The following NLRP11 variants were observed in gnomAD, a reference collection of about 807,000 sequenced individuals.
The protein encoded by NLRP11 is NLR family pyrin domain containing 11, also known as NACHT, LRR and PYD domains-containing protein 11.
NLRP11 carries 53 observed loss-of-function variants against 79.3 expected under a neutral mutation model. The ratio of observed to expected loss-of-function variants is 0.67; its 90% CI spans 0.54 to 0.84. NLRP11 has a LOEUF of 0.84. NLRP11 is among the 40% of genes least tolerant of loss of function. The probability of loss-of-function intolerance (pLI) is 0.00; values close to 1 mark genes in which losing one functional copy is unlikely to be tolerated. For missense variants in NLRP11, 1,264 were observed against 1,255.0 expected (o/e 1.01, Z -0.11); for synonymous variants, 518 against 462.6 (o/e 1.12, Z -1.54).
At chr19:55,816,774 T>C (rs1163398592) in intron 2 of NLRP11, among the ~76,000 whole-genome samples, 2 of 152,208 alleles carry the variant, frequency 1.3e-5, no homozygotes, top group Admixed American at 1.3e-4. Context: ...CTAGCTCAAG[T>C]ACTTTCTTTG....
At chr19:55,831,721 T>C (rs302476) in intron 1 of NLRP11, among the ~76,000 whole-genome samples, 70,597 of 151,252 alleles carry the variant, frequency 0.47, 19,074 homozygotes, top group African/African-American at 0.76. Context: ...ACACACTACA[T>C]GCAATTTTAT....
intron 1 of NLRP11, among the ~76,000 whole-genome samples, 192 bp downstream of exon 1, chr19:55,831,771 T>C (rs1244680361): frequency 6.7e-6 from 1 of 149,070 alleles, no homozygotes; most frequent in Non-Finnish European, 1.5e-5. Context: ...AAAAAAAGCA[T>C]GACCCAAATT....
exon 3 of NLRP11, chr19:55,808,896 G>A (rs755072416): frequency 6.3e-5 from 102 of 1,613,924 alleles, no homozygotes; most frequent in Non-Finnish European, 8.4e-5. Context: ...TCTGATTGAA[G>A]GTAAACTGTA....
At chr19:55,831,082 G>A (rs1046750240) in intron 1 of NLRP11, among the ~76,000 whole-genome samples, 7 of 122,398 alleles carry the variant, frequency 5.7e-5, no homozygotes, top group African/African-American at 2.2e-4. Context: ...AAAATAACAT[G>A]TTAAGACCCA....
Position 55,809,670 on chromosome 19 carries a change from TAAAG to T in NLRP11, c.936_939del (p.Phe312LeufsTer37). 6.2e-7 allele frequency: 1 copy of T among 1,614,124 alleles called. No homozygotes were observed. The highest frequency in any genetic ancestry group is 2.2e-5 in the East Asian group (1 of 44,882). On this transcript the variant is annotated frameshift_variant, in exon 3 of 10. Coordinates refer to ENST00000589093, the Ensembl canonical transcript of NLRP11. LOFTEE classifies it high-confidence loss of function. This position sits in a 1 kb window ranked among gnomAD's most constrained non-coding sequence, Gnocchi z 4.5. ...GCTGCCGACGCCCTCTGGCGGTCTTTAAAGAAAGAGTTAAAATATATCTCCCTCT... is the reference window on the plus strand; with the variant it reads ...GCTGCCGACGCCCTCTGGCGGTCTTTAAAGAGTTAAAATATATCTCCCTCT...
At chr19:55,829,431 G>A (rs1017748724) in intron 1 of NLRP11, among the ~76,000 whole-genome samples, 7 of 152,010 alleles carry the variant, frequency 4.6e-5, no homozygotes, top group East Asian at 1.9e-4. Flanking sequence ...TTGGGAGGCC[G>A]AGGAGGGCAG....
At chr19:55,807,728 G>C in intron 4 of NLRP11, 125 bp downstream of exon 4, 1 of 600,628 alleles carries the variant, frequency 1.7e-6, no homozygotes. Context: ...AAGTACAGAA[G>C]GAGCCTAGGC....
At chr19:55,786,450 G>T (rs1241916129) in intron 9 of NLRP11, among the ~76,000 whole-genome samples, 1 of 152,076 alleles carries the variant, frequency 6.6e-6, no homozygotes, top group African/African-American at 2.4e-5. Context: ...GCACCTGGGA[G>T]GTCAAGGCTG....
chr19:55,785,790 CAGAA>C lies in NLRP11; in HGVS notation c.2933_2936del (p.Phe978CysfsTer7). ...CTTCCTTTAAAGACCAAGTTTCAGA[CAGAA>C]AGATCAAACTGGGTTTTCTTTCCTT... On this transcript the variant is annotated frameshift_variant, in exon 10 of 10. Coordinates refer to ENST00000589093, the Ensembl canonical transcript of NLRP11. LOFTEE classifies it low-confidence loss of function (END_TRUNC). The C allele has an allele frequency of 6.2e-7, 1 of 1,614,098 alleles. No individual in the cohort carries two copies. Among genetic ancestry groups the C allele is most frequent in the Non-Finnish European group, 8.5e-7 (1 of 1,179,946 alleles).
rs1477743677 is a variant in NLRP11, at chr19:55,821,212, C to CAT, written c.-62-2977_-62-2976insAT. On this transcript the variant is annotated intron_variant, in intron 1 of 9. Coordinates refer to ENST00000589093, the Ensembl canonical transcript of NLRP11. ...CAGCTCTCTCTCTCTCTCTCACACA[C>CAT]ACACACACACACACACACACACACA... Among the ~76,000 whole-genome samples, 140 of 97,022 alleles carry CAT rather than the reference C, an allele frequency of 1.4e-3. 2 individuals carry two copies. The highest frequency in any genetic ancestry group is 7.4e-3 in the African/African-American group (95 of 12,896). The allele number at this position is 97,022 out of a possible 152,430, so 63.7% of individuals were successfully genotyped here.
intron 6 of NLRP11, 66 bp from the exon 7 acceptor site, chr19:55,792,537 C>T (rs1978374420): frequency 8.4e-6 from 11 of 1,311,488 alleles, no homozygotes; most frequent in Non-Finnish European, 1.2e-5. Flanking sequence ...CTGAGACCAC[C>T]CACCCCACGC....
intron 5 of NLRP11, among the ~76,000 whole-genome samples, chr19:55,799,613 G>C (rs1979276556): frequency 6.6e-6 from 1 of 152,182 alleles, no homozygotes; most frequent in Non-Finnish European, 1.5e-5. Flanking sequence ...ACAGAGTTGG[G>C]ATTTAGCTGG....
At chr19:55,789,254 G>T (rs1418141287) in exon 8 of NLRP11, 1 of 1,613,086 alleles carries the variant, frequency 6.2e-7, no homozygotes, top group African/African-American at 1.3e-5. Flanking sequence ...ATGCAGTTGG[G>T]ATGTCTCAAA....
At chr19:55,796,390 C>A (rs999340930) in intron 5 of NLRP11, 140 bp from the exon 6 acceptor site, 1 of 719,572 alleles carries the variant, frequency 1.4e-6, no homozygotes, top group African/African-American at 1.8e-5. Flanking sequence ...TTGCTTCTAA[C>A]CTTTCTTCTC....
At position 55,809,403 on chromosome 19, in the gene NLRP11, C is replaced by T. The variant is rs914489219; in HGVS notation, c.1207G>A (p.Gly403Arg). 1.9e-6 allele frequency: 3 copies of T among 1,614,070 alleles called. No homozygotes were observed. The African/African-American group carries it at 4.0e-5, about 22-fold the overall frequency. ...TTCAGGGTGCTCAGAAACAGTCCTC[C>T]TGCAGCCAGCAAACACAGACGTTTT... The change falls in exon 3 of 10, where the codon GGA (glycine) becomes AGA (arginine). Residue 403 changes from glycine (G) to arginine (R), a missense_variant. By Grantham distance (125) the Gly-to-Arg change is moderately radical. Coordinates refer to ENST00000589093, the Ensembl canonical transcript of NLRP11. This position sits in a 1 kb window ranked among gnomAD's most constrained non-coding sequence, Gnocchi z 4.5.
At chr19:55,819,126 T>TAC (rs59055964) in intron 1 of NLRP11, among the ~76,000 whole-genome samples, 3,682 of 104,954 alleles carry the variant, frequency 0.035, 138 homozygotes, top group Non-Finnish European at 0.05. Flanking sequence ...TGGTATCGCC[T>TAC]ACACACACAC....
chr19:55,793,913 C>G (rs1049999768), intron 6 of NLRP11, among the ~76,000 whole-genome samples: 2 of 152,164 alleles, frequency 1.3e-5, no homozygotes, highest in Non-Finnish European at 2.9e-5. Flanking sequence ...CCAGCACTAT[C>G]AACTCATTTG....
intron 2 of NLRP11, among the ~76,000 whole-genome samples, chr19:55,817,137 CA>C (rs1178723727): frequency 4.6e-5 from 7 of 151,956 alleles, no homozygotes; most frequent in African/African-American, 1.7e-4. Context: ...AATGCAATCC[CA>C]CCTTACTCCT....
At chr19:55,834,539 C>T (rs1983069309), upstream of NLRP11, among the ~76,000 whole-genome samples, 1 of 152,198 alleles carries the variant, frequency 6.6e-6, no homozygotes, top group African/African-American at 2.4e-5. Context: ...GTGCATGATG[C>T]TAATGTAATT....
Sources: gnomAD v4.1 joint callset for allele counts (sites outside exome capture counted in the v4.1 genomes callset) on GRCh38, gnomAD v4.1.1 for gene constraint, Gnocchi (gnomAD v3.1) non-coding constraint, MANE v1.5 for transcripts, NCBI Gene and HGNC (gene_info 2026-07-23, HGNC 2026-07-21) for gene names.